The following RERE variants were observed in gnomAD, a reference collection of about 807,000 sequenced individuals.
RERE encodes the protein arginine-glutamic acid dipeptide repeats.
RERE carries 40 observed loss-of-function variants against 146.1 expected under a neutral mutation model. The ratio of observed to expected loss-of-function variants is 0.27; its 90% CI spans 0.21 to 0.36. RERE has a LOEUF of 0.36. Among genes scored for constraint, RERE ranks in the 10% least tolerant of loss-of-function variants. The probability of loss-of-function intolerance (pLI) is 1.00; values close to 1 mark genes in which losing one functional copy is unlikely to be tolerated. For missense variants in RERE, 1,933 were observed against 2,138.7 expected (o/e 0.90, Z 1.90); for synonymous variants, 1,003 against 866.0 (o/e 1.16, Z -2.78).
intron 12 of RERE, among the ~76,000 whole-genome samples, chr1:8,372,786 C>T (rs1324244134): frequency 1.3e-5 from 2 of 152,184 alleles, no homozygotes; most frequent in African/African-American, 2.4e-5. Flanking sequence ...GGCATCTAAA[C>T]CAGATCCCTG....
At chr1:8,532,865 G>C (rs1341308620) in intron 7 of RERE, among the ~76,000 whole-genome samples, 1 of 152,098 alleles carries the variant, frequency 6.6e-6, no homozygotes, top group African/African-American at 2.4e-5. Flanking sequence ...AAAGTGGTGG[G>C]ATTACAGGCA....
intron 1 of RERE, among the ~76,000 whole-genome samples, chr1:8,745,685 C>A (rs965977903): frequency 7.9e-5 from 12 of 152,314 alleles, no homozygotes; most frequent in Non-Finnish European, 1.6e-4. Context: ...CTGTCCTCAG[C>A]CCCTTCTCTT....
At chr1:8,627,541 G>A (rs1295099097) in intron 2 of RERE, among the ~76,000 whole-genome samples, 2 of 149,350 alleles carry the variant, frequency 1.3e-5, no homozygotes, top group Admixed American at 1.3e-4. Context: ...GGCGGAGATA[G>A]CAGTGAGCCG....
At chr1:8,457,676 C>T (rs1644468682) in intron 11 of RERE, among the ~76,000 whole-genome samples, 1 of 152,236 alleles carries the variant, frequency 6.6e-6, no homozygotes, top group African/African-American at 2.4e-5. Flanking sequence ...AATCTTGGCT[C>T]AATGCATCCT....
chr1:8,669,839 A>G (rs1638673807), intron 1 of RERE, among the ~76,000 whole-genome samples: 1 of 152,248 alleles, frequency 6.6e-6, no homozygotes, highest in African/African-American at 2.4e-5. Context: ...ATAAGCTCTC[A>G]GCGTGTGATG....
intron 1 of RERE, chr1:8,753,424 CACTT>C (rs936754340): frequency 1.3e-5 from 2 of 152,104 alleles, no homozygotes; most frequent in African/African-American, 4.8e-5. Context: ...GGTTTTTAAT[CACTT>C]ACCTATTTTG....
chr1:8,680,543 C>T (rs1193474420), intron 1 of RERE, among the ~76,000 whole-genome samples: 2 of 151,966 alleles, frequency 1.3e-5, no homozygotes, highest in Non-Finnish European at 1.5e-5. Context: ...GGACGTAATG[C>T]CATATGGATG....
chr1:8,742,867 CAAA>C (rs1330011632), intron 1 of RERE, among the ~76,000 whole-genome samples: 7 of 93,144 alleles, frequency 7.5e-5, no homozygotes, highest in Non-Finnish European at 6.7e-5. Flanking sequence ...GATCCTGTCT[CAAA>C]AAAAAAAAAA....
intron 8 of RERE, among the ~76,000 whole-genome samples, chr1:8,502,758 C>G (rs1028347204): frequency 2.3e-4 from 34 of 148,030 alleles, no homozygotes; most frequent in Non-Finnish European, 4.5e-4. Flanking sequence ...AATTCTTCTG[C>G]CTTGGGATCC....
chr1:8,814,084 C>T (rs1347066643), intron 1 of RERE, among the ~76,000 whole-genome samples: 1 of 152,042 alleles, frequency 6.6e-6, no homozygotes, highest in Admixed American at 6.6e-5. Flanking sequence ...AACTGAAATC[C>T]CCTGAATCCA....
At chr1:8,508,404 T>C (rs970086144) in intron 8 of RERE, among the ~76,000 whole-genome samples, 6 of 152,194 alleles carry the variant, frequency 3.9e-5, no homozygotes, top group African/African-American at 1.4e-4. Context: ...CGGTGATGGC[T>C]ATACAACAAT....
chr1:8,620,206 G>A (rs1646900929), intron 3 of RERE, among the ~76,000 whole-genome samples: 1 of 152,208 alleles, frequency 6.6e-6, no homozygotes. Context: ...TTCATGAAGA[G>A]CCACTCAAGC....
intron 10 of RERE, among the ~76,000 whole-genome samples, chr1:8,486,208 G>A (rs1431059773): frequency 6.6e-6 from 1 of 151,778 alleles, no homozygotes; most frequent in Non-Finnish European, 1.5e-5. Context: ...CACTGACACT[G>A]CATAACAGCA....
At chr1:8,492,910 A>C (rs1644996832) in intron 10 of RERE, among the ~76,000 whole-genome samples, 1 of 152,006 alleles carries the variant, frequency 6.6e-6, no homozygotes, top group African/African-American at 2.4e-5. Flanking sequence ...ATGGTCTCAA[A>C]AACAAAAATT....
At chr1:8,698,700 CA>C (rs1477696518) in intron 1 of RERE, among the ~76,000 whole-genome samples, 2 of 151,940 alleles carry the variant, frequency 1.3e-5, no homozygotes, top group African/African-American at 4.8e-5. Flanking sequence ...TAGATAGAGA[CA>C]GGGTCTCGCT....
chr1:8,538,848 G>GTC (rs1279933552), intron 7 of RERE, among the ~76,000 whole-genome samples: 11 of 152,184 alleles, frequency 7.2e-5, no homozygotes, highest in African/African-American at 2.7e-4. Flanking sequence ...CTATCATCAT[G>GTC]TCTCTGTGTT....
chr1:8,686,925 C>T (rs1000509971), intron 1 of RERE, among the ~76,000 whole-genome samples: 2 of 152,116 alleles, frequency 1.3e-5, no homozygotes, highest in African/African-American at 2.4e-5. Flanking sequence ...GCAGAAGGAA[C>T]AGTCAGTGCA....
intron 1 of RERE, among the ~76,000 whole-genome samples, chr1:8,716,594 G>A (rs1303496490): frequency 2.0e-5 from 3 of 151,070 alleles, no homozygotes; most frequent in Non-Finnish European, 4.4e-5. Context: ...AGGATGGGAG[G>A]AACTACTAAA....
chr1:8,643,601 T>C (rs962099926), intron 2 of RERE, among the ~76,000 whole-genome samples: 1 of 152,226 alleles, frequency 6.6e-6, no homozygotes, highest in African/African-American at 2.4e-5. Context: ...CCCAGGCAGT[T>C]ACCCAAGAGT....
Sources: gnomAD v4.1 joint callset for allele counts (sites outside exome capture counted in the v4.1 genomes callset) on GRCh38, gnomAD v4.1.1 for gene constraint, MANE v1.5 for transcripts, NCBI Gene and HGNC (gene_info 2026-07-23, HGNC 2026-07-21) for gene names.